The following LPA variants were observed in gnomAD, a reference collection of about 807,000 sequenced individuals.
LPA encodes lipoprotein(a).
Under a neutral mutation model 197.9 loss-of-function variants are expected in LPA, and 199 were observed. The observed-to-expected ratio is 1.01, with a 90% confidence interval of 0.90 to 1.13. The LOEUF (loss-of-function observed/expected upper bound fraction) is 1.13, where lower values mean the gene tolerates loss of function less well. LPA is among the 50% of genes most tolerant of loss of function. The pLI, the probability that LPA is intolerant of heterozygous loss-of-function variation, is 0.00. For missense variants in LPA, 1,853 were observed against 1,785.8 expected, an observed-to-expected ratio of 1.04 and a Z score of -0.68; for synonymous variants, 715 against 639.5, an observed-to-expected ratio of 1.12 and a Z score of -1.78.
chr6:160,635,439 GC>G, intron 6 of LPA, 135 bp from the exon 7 acceptor site: 1 of 469,450 alleles, frequency 2.1e-6, no homozygotes, highest in Non-Finnish European at 3.6e-6. Flanking sequence ...CCATATGATT[GC>G]CACCAGCAAA....
intron 33 of LPA, among the ~76,000 whole-genome samples, chr6:160,543,333 A>G (rs2115000157): frequency 6.6e-6 from 1 of 152,262 alleles, no homozygotes; most frequent in South Asian, 2.1e-4. Flanking sequence ...GGTACCACCC[A>G]TCAATGCCTA....
rs369806354 is a variant in LPA, at chr6:160,606,553, G to A, written c.2709C>T (p.Cys903=). 107 of 1,613,644 alleles carry A rather than the reference G, an allele frequency of 6.6e-5. No homozygotes were observed. The highest frequency in any genetic ancestry group is 8.7e-5 in the Non-Finnish European group (103 of 1,179,966). ...VRWEYCNLTQ[C]SDAEGTAVAP... is the part of the protein sequence containing the mutation. ...CGACGGCAGTCCCTTCTGCGTCTGA[G>A]CATTGTGTCAGGTTGCAGTACTCCC... The change falls in exon 17 of 39, where the codon TGC becomes TGT. Residue 903 remains cysteine, a synonymous_variant. Transcript: ENST00000316300.
intron 28 of LPA, among the ~76,000 whole-genome samples, chr6:160,565,688 T>C (rs1778439991): frequency 6.6e-6 from 1 of 152,118 alleles, no homozygotes; most frequent in African/African-American, 2.4e-5. Context: ...TTTGATGAGT[T>C]GAGAGAAGAA....
In LPA at chr6:160,610,174, C is replaced by T. The variant is rs144274063; in HGVS notation, c.2603+1388G>A. On this transcript the variant is annotated intron_variant, in intron 16 of 38. Coordinates refer to ENST00000316300, the MANE Select transcript of LPA (RefSeq NM_005577.4). ...GGATCACACGAAATTCTTTTCTACA[C>T]GTAGTCAAATTTTTAATTTAGGACT... Among the ~76,000 whole-genome samples the T allele has an allele frequency of 1.1e-4, 16 of 152,140 alleles. No individual in the cohort carries two copies. The East Asian group carries it at 2.5e-3, about 24-fold the overall frequency.
intron 20 of LPA, among the ~76,000 whole-genome samples, chr6:160,596,787 T>C (rs1284436091): frequency 6.6e-6 from 1 of 152,218 alleles, no homozygotes; most frequent in Non-Finnish European, 1.5e-5. Context: ...GAAATCTTGA[T>C]TATTACATGC....
At chr6:160,541,071 A>C in intron 35 of LPA, 36 bp downstream of exon 35, 1 of 1,584,570 alleles carries the variant, frequency 6.3e-7, no homozygotes. Context: ...AAAGTCTTGA[A>C]GATAAGACCC....
intron 16 of LPA, among the ~76,000 whole-genome samples, chr6:160,608,417 A>T (rs78350869): frequency 0.019 from 2,845 of 152,252 alleles, 96 homozygotes; most frequent in African/African-American, 0.066. Flanking sequence ...CATTCCCGGT[A>T]TCTGGCTTCC....
In LPA at chr6:160,615,352, TTG is replaced by T. The variant is rs370743567; in HGVS notation, c.2261+1763_2261+1764del. 6.3e-3 allele frequency among the ~76,000 whole-genome samples: 763 copies of T among 121,078 alleles called. 2 individuals are homozygous for T. Among genetic ancestry groups the T allele is most frequent in the Middle Eastern group, 9.2e-3 (2 of 218 alleles). The allele number at this position is 121,078 out of a possible 152,430, so 79.4% of individuals were successfully genotyped here. A position where few individuals can be genotyped will look rare whatever the true frequency, so the allele number is the denominator to read the frequency against. ...GTGTGAGTATGGGTGTGTTTTCAGT[TTG>T]TGTGTGTGTGTGTGTGTGTGTGTGT... On this transcript the variant is annotated intron_variant, in intron 14 of 38. Transcript: ENST00000316300.
At chr6:160,545,206 A>G (rs1376477564) in intron 33 of LPA, among the ~76,000 whole-genome samples, 1 of 151,380 alleles carries the variant, frequency 6.6e-6, no homozygotes, top group East Asian at 1.9e-4. Context: ...GGAATTTGAC[A>G]TTTATTTTAT....
At position 160,589,660 on chromosome 6, in the gene LPA, C is replaced by T; in HGVS notation, c.3840G>A (p.Gln1280=). The T allele has an allele frequency of 2.5e-6, 4 of 1,613,966 alleles. No homozygotes were observed. The highest frequency in any genetic ancestry group is 3.4e-6 in the Non-Finnish European group (4 of 1,179,892). Residue 1280 remains glutamine, a synonymous_variant, in exon 24 of 39, where the codon CAG becomes CAA. Coordinates refer to ENST00000316300, the MANE Select transcript of LPA (RefSeq NM_005577.4). ...TGGTGGAGAATGAGCCTCGATAACTCTGTCCATCACCATGGTAGCAGTCCT... is the reference window on the plus strand; with the variant it reads ...TGGTGGAGAATGAGCCTCGATAACTTTGTCCATCACCATGGTAGCAGTCCT... ...TVQDCYHGDG[Q]SYRGSFSTTV...
In LPA at chr6:160,607,642, G is replaced by C. The variant is rs117779377; in HGVS notation, c.2604-984C>G. On this transcript the variant is annotated intron_variant, in intron 16 of 38. Transcript: ENST00000316300. ...CTCTCTATCCTCACATTCATGACCT[G>C]TGGCTGCCTGAGAAAATGGGAAATG... Among the ~76,000 whole-genome samples the C allele has an allele frequency of 1.3e-4, 20 of 152,234 alleles. No homozygotes were observed. In the East Asian group the frequency reaches 3.7e-3, roughly 28 times the overall value.
Position 160,650,433 on chromosome 6 carries a change from G to A in LPA, c.114C>T (p.Gly38=). The A allele has an allele frequency of 6.2e-7, 1 of 1,613,838 alleles. No homozygotes were observed. Among genetic ancestry groups the A allele is most frequent in the Non-Finnish European group, 8.5e-7 (1 of 1,179,780 alleles). Residue 38 remains glycine (G), a synonymous_variant, in exon 2 of 39, where the codon GGC becomes GGT. Transcript: ENST00000316300. ...CYHGDGQSYR[G]TYSTTVTGRT... is the part of the protein sequence containing the mutation. The stretch of plus-strand genomic sequence containing the variant: ...TTCCTGTGACAGTGGTGGAGTACGT[G>A]CCTCGATAACTCTGTCCATCACCAT...
At chr6:160,611,490 T>C in intron 16 of LPA, 72 bp downstream of exon 16, 1 of 1,590,302 alleles carries the variant, frequency 6.3e-7, no homozygotes. Context: ...AGAACTCAGC[T>C]TGAAGCATGT....
At chr6:160,586,747 T>G in intron 24 of LPA, 117 bp from the exon 25 acceptor site, 1 of 1,371,318 alleles carries the variant, frequency 7.3e-7, no homozygotes, top group South Asian at 1.2e-5. Flanking sequence ...ATATTCTCAC[T>G]AAAGTCCCAT....
intron 34 of LPA, among the ~76,000 whole-genome samples, chr6:160,541,590 G>A (rs1262246544): frequency 6.6e-6 from 1 of 152,176 alleles, no homozygotes; most frequent in Non-Finnish European, 1.5e-5. Flanking sequence ...AGCCAGATAC[G>A]ATCCTGAGCA....
rs140557530 is a variant in LPA at position 160,594,056 on chromosome 6, T to G, written c.3531A>C (p.Arg1177=). Residue 1177 remains arginine, a synonymous_variant, in exon 22 of 39, where the codon CGA becomes CGC. Coordinates refer to ENST00000316300, the MANE Select transcript of LPA (RefSeq NM_005577.4). ...CTGTGACAGTGGTAGAGAATGAGCC[T>G]CGATAACTCTGTCCATCACCATGGT... The part of the protein sequence containing the change: ...DCYHGDGQSY[R]GSFSTTVTGR... 3.6e-4 allele frequency: 588 copies of G among 1,613,964 alleles called. 12 individuals are homozygous for G. In the East Asian group the frequency reaches 0.013, roughly 35 times the overall value.
At position 160,547,802 on chromosome 6, in the gene LPA, C is replaced by T. The variant is rs556277165; in HGVS notation, c.5291G>A (p.Gly1764Asp). ...TFIPGTNKWA[G>D]LEKNYCRNPD... is the part of the protein sequence containing the mutation. ...AAAGTGGCTTACATTTTTTTCCAGA[C>T]CTGCCCATTTATTTGTCCCTGGAAT... The change falls in exon 32 of 39, where the codon GGT (glycine) becomes GAT (aspartate). Residue 1764 changes from glycine (G) to aspartate (D), a missense_variant. Gly to Asp is a moderately conservative substitution (Grantham distance 94, BLOSUM62 -1). Around this residue, in one of 3 missense-constraint regions of LPA, gnomAD observed 1,737 missense variants for 1,504.4 expected, o/e 1.15. Coordinates refer to ENST00000316300, the MANE Select transcript of LPA (RefSeq NM_005577.4). 9.9e-6 allele frequency: 16 copies of T among 1,614,010 alleles called. No individual in the cohort carries two copies. The South Asian group carries it at 1.4e-4, about 14-fold the overall frequency.
chr6:160,654,023 A>G (rs1582902554), intron 1 of LPA, among the ~76,000 whole-genome samples: 2 of 8,120 alleles, frequency 2.5e-4, no homozygotes, highest in African/African-American at 1.1e-3. Context: ...TATATATAAT[A>G]TATAATATAT....
chr6:160,590,905 A>T, intron 23 of LPA, 39 bp downstream of exon 23: 1 of 1,613,458 alleles, frequency 6.2e-7, no homozygotes, highest in Non-Finnish European at 8.5e-7. Context: ...TTTTATCCCA[A>T]CGTCCAAGGG....
Sources: allele counts gnomAD v4.1 joint callset (sites outside exome capture counted in the v4.1 genomes callset), GRCh38; gene constraint gnomAD v4.1.1; regional missense constraint gnomAD v4.1.1; transcripts MANE v1.5; gene names NCBI Gene and HGNC (gene_info 2026-07-23, HGNC 2026-07-21).